Variants in RANBP2 observed in about 807,000 individuals in gnomAD.
The protein encoded by RANBP2 is RAN binding protein 2, also known as E3 SUMO-protein ligase RanBP2.
In RANBP2, 57 loss-of-function variants were observed where a neutral mutation model predicts 303.6. The ratio of observed to expected loss-of-function variants is 0.19; its 90% CI spans 0.15 to 0.23. RANBP2 has a LOEUF of 0.23. Ranked by LOEUF, RANBP2 falls within the 10% of genes least tolerant of loss-of-function variation. The probability of loss-of-function intolerance (pLI) is 1.00; values close to 1 mark genes in which losing one functional copy is unlikely to be tolerated. For missense variants in RANBP2, 3,138 were observed against 3,780.8 expected (o/e 0.83, Z 4.46); for synonymous variants, 1,167 against 1,301.5 (o/e 0.90, Z 2.23).
At chr2:109,520,422 G>A in the RANBP2 span, among the ~76,000 whole-genome samples, 4,213 of 151,572 alleles carry the variant, frequency 0.028, 217 homozygotes, top group African/African-American at 0.096. Context: ...CCAACATGGT[G>A]AAACCTGTCT....
the RANBP2 span, among the ~76,000 whole-genome samples, chr2:109,721,084 A>G: frequency 6.6e-6 from 1 of 152,192 alleles, no homozygotes; most frequent in African/African-American, 2.4e-5. Flanking sequence ...CCAAAACAAG[A>G]TGGGGCAACT....
At chr2:109,326,814 C>T in the RANBP2 span, among the ~76,000 whole-genome samples, 9 of 152,160 alleles carry the variant, frequency 5.9e-5, no homozygotes, top group African/African-American at 1.4e-4. Context: ...CTTAGGGGGA[C>T]GCCTGTCTCA....
the RANBP2 span, among the ~76,000 whole-genome samples, chr2:109,536,751 A>G: frequency 6.6e-6 from 1 of 152,260 alleles, no homozygotes; most frequent in African/African-American, 2.4e-5. Flanking sequence ...TTGAATTCCT[A>G]CGTATTGTGG....
chr2:108,938,301 A>G, the RANBP2 span, among the ~76,000 whole-genome samples: 1 of 152,222 alleles, frequency 6.6e-6, no homozygotes, highest in African/African-American at 2.4e-5. Flanking sequence ...ATTTCTGAAC[A>G]CCAACATGGT....
the RANBP2 span, among the ~76,000 whole-genome samples, chr2:109,257,251 G>T: frequency 6.6e-6 from 1 of 152,128 alleles, no homozygotes; most frequent in East Asian, 1.9e-4. Flanking sequence ...CATGTTGTTC[G>T]TTCTGTGGCC....
At chr2:109,527,817 A>G in the RANBP2 span, among the ~76,000 whole-genome samples, 1 of 152,212 alleles carries the variant, frequency 6.6e-6, no homozygotes, top group Non-Finnish European at 1.5e-5. Context: ...CTGATTCCCT[A>G]TGAAGATCCT....
At chr2:109,482,551 C>G in the RANBP2 span, among the ~76,000 whole-genome samples, 1 of 152,188 alleles carries the variant, frequency 6.6e-6, no homozygotes, top group African/African-American at 2.4e-5. Context: ...GGCCGGTCAT[C>G]CAAACCCACT....
At chr2:109,538,679 T>C in the RANBP2 span, among the ~76,000 whole-genome samples, 25 of 152,124 alleles carry the variant, frequency 1.6e-4, no homozygotes, top group African/African-American at 6.0e-4. Flanking sequence ...CCAACACACC[T>C]GGTTAATTTT....
At position 108,767,177 on chromosome 2, in the gene RANBP2, C is replaced by T. The variant is rs1334275363; in HGVS notation, c.6638C>T (p.Pro2213Leu). 2 of 1,611,980 alleles carry T rather than the reference C, an allele frequency of 1.2e-6. No individual in the cohort carries two copies. The highest frequency in any genetic ancestry group is 1.7e-6 in the Non-Finnish European group (2 of 1,179,864). Residue 2213 changes from proline to leucine, a missense_variant, in exon 20 of 29, where the codon CCC becomes CTC. By Grantham distance (98) the Pro-to-Leu change is moderately conservative (BLOSUM62 -3). Coordinates refer to ENST00000283195, the MANE Select transcript of RANBP2 (RefSeq NM_006267.5). ...AAGASDTTIK[P>L]NPENTGPTLE... ...GGTGCCTCAGACACAACAATAAAACCCAATCCTGAAAACACTGGGCCCACA... is the reference window on the plus strand; with the variant it reads ...GGTGCCTCAGACACAACAATAAAACTCAATCCTGAAAACACTGGGCCCACA...
chr2:108,905,008 A>G, the RANBP2 span, among the ~76,000 whole-genome samples: 7,417 of 152,286 alleles, frequency 0.049, 603 homozygotes, highest in African/African-American at 0.17. Context: ...TTACCACTGC[A>G]TGGTAAGAAG....
intron 8 of RANBP2, 97 bp from the exon 9 acceptor site, chr2:108,748,823 T>C: frequency 6.2e-7 from 1 of 1,608,994 alleles, no homozygotes. Flanking sequence ...TATGCAGTAA[T>C]CATGTTATTT....
At chr2:109,064,466 A>AAC in the RANBP2 span, among the ~76,000 whole-genome samples, 3 of 148,632 alleles carry the variant, frequency 2.0e-5, no homozygotes, top group African/African-American at 7.5e-5. Flanking sequence ...AAAAAAAAAA[A>AAC]AAAAACAAAA....
At chr2:109,365,577 C>T in the RANBP2 span, among the ~76,000 whole-genome samples, 11 of 152,088 alleles carry the variant, frequency 7.2e-5, no homozygotes, top group African/African-American at 2.2e-4. Context: ...GACTGGGAGC[C>T]GGACACCCCC....
the RANBP2 span, among the ~76,000 whole-genome samples, chr2:109,238,999 G>A: frequency 6.6e-6 from 1 of 152,224 alleles, no homozygotes; most frequent in Non-Finnish European, 1.5e-5. Flanking sequence ...GAGAGGAAAA[G>A]CTACTGGTAG....
the RANBP2 span, chr2:108,839,077 T>G: frequency 8.5e-7 from 1 of 1,182,664 alleles, no homozygotes; most frequent in Non-Finnish European, 1.1e-6. Context: ...GGAGAACTCT[T>G]TTGTTTTGTT....
chr2:109,233,661 G>GT, the RANBP2 span, among the ~76,000 whole-genome samples: 2 of 152,190 alleles, frequency 1.3e-5, no homozygotes, highest in African/African-American at 4.8e-5. Context: ...CCTCCTGTTC[G>GT]TATCACCACC....
At chr2:109,527,399 C>G in the RANBP2 span, among the ~76,000 whole-genome samples, 130,853 of 152,186 alleles carry the variant, frequency 0.86, 56,818 homozygotes, top group East Asian at 0.95. Context: ...GTTTGAGTAA[C>G]ATAAGAAACA....
the RANBP2 span, among the ~76,000 whole-genome samples, chr2:108,860,496 A>G: frequency 6.6e-6 from 1 of 150,406 alleles, no homozygotes; most frequent in Admixed American, 6.6e-5. Flanking sequence ...TATTATTTCA[A>G]TGCCTAGGTT....
chr2:108,755,149 T>G, intron 16 of RANBP2, 27 bp from the exon 17 acceptor site: 1 of 1,611,916 alleles, frequency 6.2e-7, no homozygotes. Context: ...TTTTAAATGC[T>G]GTTTTGTTAT....
Sources: gnomAD v4.1 joint callset for allele counts (sites outside exome capture counted in the v4.1 genomes callset) on GRCh38, gnomAD v4.1.1 for gene constraint, MANE v1.5 for transcripts, NCBI Gene and HGNC (gene_info 2026-07-23, HGNC 2026-07-21) for gene names.